The following HS3ST2 variants were observed in gnomAD, a reference collection of about 807,000 sequenced individuals.
HS3ST2 encodes the protein heparan sulfate glucosamine 3-O-sulfotransferase 2.
In HS3ST2, 17 loss-of-function variants were observed where a neutral mutation model predicts 26.3. The ratio of observed to expected loss-of-function variants is 0.65; its 90% CI spans 0.44 to 0.97. The LOEUF is 0.97. Ranked by LOEUF, HS3ST2 falls within the 50% of genes least tolerant of loss-of-function variation. The probability of loss-of-function intolerance (pLI) is 0.00; values close to 1 mark genes in which losing one functional copy is unlikely to be tolerated. For synonymous variants in HS3ST2, 237 were observed against 219.2 expected (o/e 1.08, Z -0.72); for missense variants, 402 against 501.2 (o/e 0.80, Z 1.89).
At chr16:22,854,723 C>G (rs1424010523) in intron 1 of HS3ST2, 2 of 151,172 alleles carry the variant, frequency 1.3e-5, no homozygotes, top group African/African-American at 4.9e-5. Flanking sequence ...ACTTCAACCT[C>G]AAACTCCTGG....
chr16:22,914,767 G>GAA (rs1902470638), intron 1 of HS3ST2, among the ~76,000 whole-genome samples, 177 bp from the exon 2 acceptor site: 1 of 111,842 alleles, frequency 8.9e-6, no homozygotes, highest in Non-Finnish European at 1.8e-5. Context: ...AAAAAAAAGA[G>GAA]AAGAAAAGAA....
intron 1 of HS3ST2, among the ~76,000 whole-genome samples, chr16:22,889,840 G>C (rs1902107255): frequency 6.6e-6 from 1 of 152,194 alleles, no homozygotes; most frequent in African/African-American, 2.4e-5. Context: ...CAGGAAGTGA[G>C]ATGAGATGGG....
Position 22,889,303 on chromosome 16 carries a change from C to T in HS3ST2, c.486-25641C>T, listed in dbSNP as rs115215957. Among the ~76,000 whole-genome samples the T allele has an allele frequency of 6.2e-3, 941 of 152,208 alleles. 9 individuals carry two copies. The highest frequency in any genetic ancestry group is 0.019 in the African/African-American group (785 of 41,512). ...AACTTATTTGAGATGATAATAAGTACGGAGGGAAGTTGCGAAGGGCATCCT... is the reference window on the plus strand; with the variant it reads ...AACTTATTTGAGATGATAATAAGTATGGAGGGAAGTTGCGAAGGGCATCCT... On this transcript the variant is annotated intron_variant, in intron 1 of 1. Transcript: ENST00000261374.
At position 22,915,184 on chromosome 16, in the gene HS3ST2, C is replaced by T; in HGVS notation, c.726C>T (p.Asp242=). The T allele has an allele frequency of 6.8e-6, 11 of 1,614,112 alleles. No individual in the cohort carries two copies. Among genetic ancestry groups the T allele is most frequent in the South Asian group, 1.1e-5 (1 of 91,064 alleles). ...GCAACCGCACCCTGGGCCTGGTGGA[C>T]GTGTCATGGAACGCCATCCGCATCG... is the stretch of plus-strand genomic sequence containing the variant. ...SFRNRTLGLV[D]VSWNAIRIGM... The change falls in exon 2 of 2, where the codon GAC becomes GAT. Residue 242 remains aspartate, a synonymous_variant. Transcript: ENST00000261374.
Position 22,915,956 on chromosome 16 carries a change from T to A in HS3ST2, c.*394T>A, listed in dbSNP as rs1383465396. ...GTCATTGTCCACCCAGGAGTGGCCT[T>A]GTTAATTCCAAGTGGCATGTATCTT... is the stretch of plus-strand genomic sequence containing the variant. On this transcript the variant is annotated 3_prime_UTR_variant, in exon 2 of 2. Transcript: ENST00000261374. 5.4e-6 allele frequency: 1 copy of A among 185,552 alleles called. No individual in the cohort carries two copies. The highest frequency in any genetic ancestry group is 1.1e-5 in the Non-Finnish European group (1 of 89,042). 11.5% of individuals were successfully genotyped at this position (185,552 alleles called of 1,614,324 possible).
chr16:22,847,045 T>C (rs11864419), intron 1 of HS3ST2, among the ~76,000 whole-genome samples: 21,503 of 152,136 alleles, frequency 0.14, 1,583 homozygotes, highest in South Asian at 0.23. Context: ...ACTCATGCCA[T>C]GGTGGGAGTT....
At chr16:22,844,371 G>A (rs2141183236) in intron 1 of HS3ST2, among the ~76,000 whole-genome samples, 1 of 152,214 alleles carries the variant, frequency 6.6e-6, no homozygotes, top group African/African-American at 2.4e-5. Context: ...CAGTTCCCAG[G>A]AGCTAGTGGG....
At chr16:22,871,805 G>T (rs1311580272) in intron 1 of HS3ST2, among the ~76,000 whole-genome samples, 1 of 152,158 alleles carries the variant, frequency 6.6e-6, no homozygotes, top group African/African-American at 2.4e-5. Flanking sequence ...CTACATTGAG[G>T]GCAGCTGCTA....
chr16:22,883,516 T>C (rs992834066), intron 1 of HS3ST2, among the ~76,000 whole-genome samples: 1 of 152,248 alleles, frequency 6.6e-6, no homozygotes, highest in Admixed American at 6.5e-5. Flanking sequence ...CATCCACAAT[T>C]AGCACAATCC....
intron 1 of HS3ST2, among the ~76,000 whole-genome samples, chr16:22,844,232 C>T (rs958425837): frequency 2.0e-5 from 3 of 152,142 alleles, no homozygotes; most frequent in Admixed American, 1.3e-4. Context: ...TTCTGCTGCA[C>T]TGTAACAAAC....
intron 1 of HS3ST2, among the ~76,000 whole-genome samples, chr16:22,886,455 G>T (rs533024648): frequency 1.5e-4 from 23 of 152,278 alleles, no homozygotes; most frequent in Admixed American, 7.8e-4. Flanking sequence ...GATGCTGCCG[G>T]CCTCACGGAA....
In HS3ST2 at chr16:22,915,387, G is replaced by A. The variant is rs1902480345; in HGVS notation, c.929G>A (p.Gly310Glu). Residue 310 changes from glycine to glutamate, a missense_variant, in exon 2 of 2, where the codon GGA (glycine) becomes GAA (glutamate). This residue lies in a region of HS3ST2 where 237 missense variants were observed against 346.6 expected (regional missense o/e 0.68). Coordinates refer to ENST00000261374, the MANE Select transcript of HS3ST2 (RefSeq NM_006043.2). ...CACTTCTATTTCAACAAGACCAAAG[G>A]ATTCCCTTGCTTGAAAAAAACAGAA... is the stretch of plus-strand genomic sequence containing the variant. ...DKHFYFNKTK[G>E]FPCLKKTESS... is the part of the protein sequence containing the mutation. The A allele has an allele frequency of 1.9e-6, 3 of 1,613,666 alleles. No individual in the cohort carries two copies. In the Admixed American group the frequency reaches 5.0e-5, roughly 27 times the overall value.
At chr16:22,906,944 A>G (rs181009091) in intron 1 of HS3ST2, among the ~76,000 whole-genome samples, 1 of 152,188 alleles carries the variant, frequency 6.6e-6, no homozygotes, top group Non-Finnish European at 1.5e-5. Flanking sequence ...GATCTGTGGT[A>G]TAAATGGATG....
At chr16:22,820,521 G>T (rs1422193406) in intron 1 of HS3ST2, among the ~76,000 whole-genome samples, 1 of 152,232 alleles carries the variant, frequency 6.6e-6, no homozygotes, top group Admixed American at 6.5e-5. Flanking sequence ...AAGGAGAAAG[G>T]CATGTTTTAC....
intron 1 of HS3ST2, chr16:22,854,639 CTTTTT>C (rs35867719): frequency 1.6e-5 from 2 of 127,384 alleles, no homozygotes; most frequent in Non-Finnish European, 3.2e-5. Context: ...GTATTAAATG[CTTTTT>C]TTTTTTTTTT....
Position 22,869,139 on chromosome 16 carries a change from C to A in HS3ST2, c.486-45805C>A, listed in dbSNP as rs1383257233. On this transcript the variant is annotated intron_variant, in intron 1 of 1. Coordinates refer to ENST00000261374, the MANE Select transcript of HS3ST2 (RefSeq NM_006043.2). ...AGCCCGGAAGCCTAGTGAAAAGGGG[C>A]GCTCTGTAAAACTAGCCCTCAGAGA... Among the ~76,000 whole-genome samples, 4 of 151,870 alleles carry A rather than the reference C, an allele frequency of 2.6e-5. No homozygotes were observed. In the East Asian group the frequency reaches 7.8e-4, roughly 29 times the overall value.
At chr16:22,893,258 A>G (rs546775723) in intron 1 of HS3ST2, among the ~76,000 whole-genome samples, 1 of 152,328 alleles carries the variant, frequency 6.6e-6, no homozygotes, top group East Asian at 1.9e-4. Flanking sequence ...AGTTAATAGT[A>G]ATAGCTCCTT....
intron 1 of HS3ST2, among the ~76,000 whole-genome samples, chr16:22,889,833 G>T (rs959241782): frequency 5.3e-5 from 8 of 152,296 alleles, no homozygotes; most frequent in Admixed American, 1.3e-4. Flanking sequence ...CCACAACCAG[G>T]AAGTGAGATG....
At chr16:22,838,101 T>A (rs1444191172) in intron 1 of HS3ST2, among the ~76,000 whole-genome samples, 3 of 150,302 alleles carry the variant, frequency 2.0e-5, no homozygotes, top group African/African-American at 4.9e-5. Context: ...ACTGTGGGAG[T>A]TGCATGCAAA....
Sources: gnomAD v4.1 joint callset for allele counts (sites outside exome capture counted in the v4.1 genomes callset) on GRCh38, gnomAD v4.1.1 for gene constraint, gnomAD v4.1.1 regional missense constraint, MANE v1.5 for transcripts, NCBI Gene and HGNC (gene_info 2026-07-23, HGNC 2026-07-21) for gene names.